PTTG1IP: variants seen among roughly 807,000 people sequenced by gnomAD.
The protein encoded by PTTG1IP is pituitary tumor-transforming gene 1 protein-interacting protein.
Under a neutral mutation model 24.4 loss-of-function variants are expected in PTTG1IP, and 16 were observed. That is an observed-to-expected ratio of 0.66 (90% CI 0.44 to 1.00). The LOEUF (loss-of-function observed/expected upper bound fraction) is 1.00, where lower values mean the gene tolerates loss of function less well. PTTG1IP is among the 50% of genes least tolerant of loss of function. The pLI is 0.00. For missense variants in PTTG1IP, 241 were observed against 245.8 expected, an observed-to-expected ratio of 0.98 and a Z score of 0.13; for synonymous variants, 89 against 96.8, an observed-to-expected ratio of 0.92 and a Z score of 0.47.
At chr21:44,862,789 A>C (rs1202231150) in intron 2 of PTTG1IP, among the ~76,000 whole-genome samples, 1 of 152,188 alleles carries the variant, frequency 6.6e-6, no homozygotes, top group African/African-American at 2.4e-5. Flanking sequence ...TTTCCAGCAT[A>C]ATGTAACAAT....
chr21:44,861,182 T>C lies in PTTG1IP; in HGVS notation c.258A>G (p.Ala86=), dbSNP rs780790893. The C allele has an allele frequency of 1.2e-6, 2 of 1,613,722 alleles. No homozygotes were observed. Among genetic ancestry groups the C allele is most frequent in the African/African-American group, 1.3e-5 (1 of 74,918 alleles). ...PPASLCKLSS[A]RWGVCWVNFE... ...ACTTACCCCAACAAACTCCCCAGCG[T>C]GCAGAGCTCAATTTACAAAGGGAAG... The change falls in exon 3 of 6, where the codon GCA becomes GCG. Residue 86 remains alanine (A), a synonymous_variant. Coordinates refer to ENST00000330938, the MANE Select transcript of PTTG1IP (RefSeq NM_004339.4).
rs1218227120 is a variant in PTTG1IP at position 44,860,575 on chromosome 21, G to A, written c.277+588C>T. ...GTGACACATGAACAAAACATACTGA[G>A]CAGAGAAGTCAAACACGTTGCCTTC... On this transcript the variant is annotated intron_variant, in intron 3 of 5. Coordinates refer to ENST00000330938, the MANE Select transcript of PTTG1IP (RefSeq NM_004339.4). Among the ~76,000 whole-genome samples the A allele has an allele frequency of 2.0e-5, 3 of 152,182 alleles. No individual in the cohort carries two copies. In the East Asian group the frequency reaches 5.8e-4, roughly 29 times the overall value.
chr21:44,861,297 C>T, intron 2 of PTTG1IP, 26 bp from the exon 3 acceptor site: 1 of 1,577,592 alleles, frequency 6.3e-7, no homozygotes. Flanking sequence ...ATTAAGCAAG[C>T]ATTAGAAACA....
At position 44,853,647 on chromosome 21, in the gene PTTG1IP, G is replaced by A. The variant is rs578057380; in HGVS notation, c.496+1563C>T. 1.2e-4 allele frequency among the ~76,000 whole-genome samples: 18 copies of A among 152,322 alleles called. No individual in the cohort carries two copies. In the South Asian group the frequency reaches 2.3e-3, roughly 19 times the overall value. On this transcript the variant is annotated intron_variant, in intron 5 of 5. Coordinates refer to ENST00000330938, the MANE Select transcript of PTTG1IP (RefSeq NM_004339.4). ...CGTACACAGGCATGCACTCGCTGAG[G>A]AGGGCAACCCTGGTGCTGCTCCTTA...
intron 2 of PTTG1IP, chr21:44,861,763 C>G: frequency 4.2e-6 from 3 of 717,550 alleles, no homozygotes; most frequent in Non-Finnish European, 7.8e-6. Flanking sequence ...CCTCTCCTCC[C>G]CACACGCCGG....
chr21:44,856,639 A>C (rs1390493625), intron 3 of PTTG1IP, among the ~76,000 whole-genome samples: 1 of 152,238 alleles, frequency 6.6e-6, no homozygotes, highest in African/African-American at 2.4e-5. Context: ...TAATGAACTG[A>C]AGTGACAGGG....
At chr21:44,852,235 T>G (rs1419447399) in intron 5 of PTTG1IP, among the ~76,000 whole-genome samples, 1 of 151,576 alleles carries the variant, frequency 6.6e-6, no homozygotes, top group Non-Finnish European at 1.5e-5. Flanking sequence ...CAGGATAGAG[T>G]GCAATGGCGC....
At chr21:44,871,248 C>T (rs1030181062) in intron 1 of PTTG1IP, among the ~76,000 whole-genome samples, 40 of 152,086 alleles carry the variant, frequency 2.6e-4, no homozygotes, top group African/African-American at 9.7e-4. Flanking sequence ...CTCAGGGTGA[C>T]AGGGGCAGAA....
chr21:44,855,925 G>T (rs1407990265), intron 4 of PTTG1IP, among the ~76,000 whole-genome samples: 5 of 152,182 alleles, frequency 3.3e-5, no homozygotes, highest in African/African-American at 1.2e-4. Context: ...TCACACACCC[G>T]TGTCACCGCG....
At chr21:44,873,311 G>C (rs2083605696) in intron 1 of PTTG1IP, among the ~76,000 whole-genome samples, 191 bp downstream of exon 1, 2 of 152,154 alleles carry the variant, frequency 1.3e-5, no homozygotes, top group South Asian at 4.1e-4. Context: ...CGCCCCAGCC[G>C]CGACGGCAGC....
rs1013861290 is a variant in PTTG1IP at position 44,864,917 on chromosome 21, G to T, written c.168+478C>A. Among the ~76,000 whole-genome samples the T allele has an allele frequency of 5.3e-5, 8 of 152,172 alleles. No individual in the cohort carries two copies. The South Asian group carries it at 1.7e-3, about 32-fold the overall frequency. On this transcript the variant is annotated intron_variant, in intron 2 of 5. Transcript: ENST00000330938. ...GTTAAAATCCAAACCTGAGCCCCAGGTCACGACCAGAGAGTGCTATGGACA... is the reference window on the plus strand; with the variant it reads ...GTTAAAATCCAAACCTGAGCCCCAGTTCACGACCAGAGAGTGCTATGGACA...
chr21:44,870,234 T>C (rs138905137), intron 1 of PTTG1IP, among the ~76,000 whole-genome samples: 11 of 152,076 alleles, frequency 7.2e-5, no homozygotes, highest in Non-Finnish European at 1.2e-4. Flanking sequence ...TGAAAACATA[T>C]CATCTTGCAT....
At chr21:44,862,547 C>T (rs954739345) in intron 2 of PTTG1IP, among the ~76,000 whole-genome samples, 4 of 152,108 alleles carry the variant, frequency 2.6e-5, no homozygotes, top group Non-Finnish European at 5.9e-5. Flanking sequence ...AACTGCCGTT[C>T]GGCAGCACCT....
At chr21:44,856,436 G>A (rs761046365) in intron 3 of PTTG1IP, 72 bp from the exon 4 acceptor site, 12 of 1,485,250 alleles carry the variant, frequency 8.1e-6, no homozygotes, top group South Asian at 1.3e-5. Flanking sequence ...GCCTTCCCTC[G>A]CCCCTGGGGA....
intron 1 of PTTG1IP, among the ~76,000 whole-genome samples, chr21:44,869,519 G>C (rs2083567826): frequency 1.3e-5 from 2 of 152,210 alleles, no homozygotes; most frequent in South Asian, 4.1e-4. Flanking sequence ...GGCTGGTCTT[G>C]AACTCCTGGC....
intron 3 of PTTG1IP, among the ~76,000 whole-genome samples, chr21:44,860,230 G>A (rs1210124142): frequency 3.3e-5 from 5 of 152,222 alleles, no homozygotes; most frequent in East Asian, 1.9e-4. Flanking sequence ...TTAGCCGGAC[G>A]TGGTGGCGGG....
intron 4 of PTTG1IP, 113 bp from the exon 5 acceptor site, chr21:44,855,369 C>T (rs2083441577): frequency 2.5e-5 from 27 of 1,094,408 alleles, no homozygotes; most frequent in Non-Finnish European, 3.6e-5. Flanking sequence ...CTGGTGGCTT[C>T]CCTCCAGTTC....
chr21:44,861,117 A>C, intron 3 of PTTG1IP, 46 bp downstream of exon 3: 1 of 1,550,262 alleles, frequency 6.5e-7, no homozygotes, highest in African/African-American at 1.4e-5. Context: ...TACTATTTTC[A>C]AAGAAGCATC....
chr21:44,870,819 A>G (rs1021082771), intron 1 of PTTG1IP, among the ~76,000 whole-genome samples: 2 of 152,252 alleles, frequency 1.3e-5, no homozygotes, highest in Non-Finnish European at 2.9e-5. Context: ...GGAAAAAACA[A>G]CAACAACAAA....
Sources: gnomAD v4.1 joint callset for allele counts (sites outside exome capture counted in the v4.1 genomes callset) on GRCh38, gnomAD v4.1.1 for gene constraint, MANE v1.5 for transcripts, NCBI Gene and HGNC (gene_info 2026-07-23, HGNC 2026-07-21) for gene names.